Variants in SEPTIN7 observed in about 807,000 individuals in gnomAD.
SEPTIN7 encodes the protein septin-7.
In SEPTIN7, 10 loss-of-function variants were observed where a neutral mutation model predicts 63.3. That is an observed-to-expected ratio of 0.16 (90% confidence interval 0.10 to 0.27). The LOEUF is 0.27. Among genes scored for constraint, SEPTIN7 ranks in the 10% least tolerant of loss-of-function variants. SEPTIN7 has a pLI of 1.00. For synonymous variants in SEPTIN7, 131 were observed against 165.3 expected (o/e 0.79, Z 1.59); for missense variants, 310 against 521.0 (o/e 0.59, Z 3.94).
At chr7:35,870,479 C>T (rs74185961) in intron 4 of SEPTIN7, among the ~76,000 whole-genome samples, 1 of 152,078 alleles carries the variant, frequency 6.6e-6, no homozygotes, top group African/African-American at 2.4e-5. Flanking sequence ...GTGTGTAGTA[C>T]TATGTTATTT....
At chr7:35,899,952 A>G (rs1423154060) in intron 12 of SEPTIN7, 1 of 152,204 alleles carries the variant, frequency 6.6e-6, no homozygotes, top group Non-Finnish European at 1.5e-5. Flanking sequence ...CTTTAATGAT[A>G]AAATTTAGTA....
At chr7:35,888,897 T>C in intron 10 of SEPTIN7, 1 of 316,600 alleles carries the variant, frequency 3.2e-6, no homozygotes, top group Non-Finnish European at 6.3e-6. Context: ...AGGTATTTGT[T>C]ATTTTTCTCC....
chr7:35,913,818 G>A, the SEPTIN7 span, among the ~76,000 whole-genome samples: 2 of 152,082 alleles, frequency 1.3e-5, no homozygotes, highest in East Asian at 3.8e-4. Context: ...TCAAACTCCT[G>A]GCCTAAAGTG....
chr7:35,886,288 C>T (rs1002827883), intron 10 of SEPTIN7, among the ~76,000 whole-genome samples: 10 of 152,132 alleles, frequency 6.6e-5, no homozygotes, highest in African/African-American at 1.7e-4. Flanking sequence ...GAGTAGGGCA[C>T]ATTTTATGTA....
At chr7:35,815,666 A>T (rs1789013070) in intron 1 of SEPTIN7, among the ~76,000 whole-genome samples, 1 of 152,212 alleles carries the variant, frequency 6.6e-6, no homozygotes, top group Non-Finnish European at 1.5e-5. Context: ...GTTAGTTAAT[A>T]TAGTATGCTA....
intron 4 of SEPTIN7, among the ~76,000 whole-genome samples, chr7:35,871,110 A>G (rs912157465): frequency 6.6e-6 from 1 of 152,204 alleles, no homozygotes; most frequent in Non-Finnish European, 1.5e-5. Context: ...CAGATTGCCA[A>G]TAGTATATAT....
intron 11 of SEPTIN7, among the ~76,000 whole-genome samples, chr7:35,893,639 T>C (rs1787784204): frequency 6.6e-6 from 1 of 152,158 alleles, no homozygotes; most frequent in Non-Finnish European, 1.5e-5. Flanking sequence ...TGTGAATCAA[T>C]TTATCTTATA....
chr7:35,887,509 A>G (rs2715602), intron 10 of SEPTIN7, among the ~76,000 whole-genome samples: 143,171 of 152,274 alleles, frequency 0.94, 67,833 homozygotes, highest in East Asian at 1. Context: ...ACTACACCTG[A>G]CTAATTTTTG....
At position 35,834,701 on chromosome 7, in the gene SEPTIN7, A is replaced by G. The variant is rs55874434; in HGVS notation, c.169+1801A>G. 9.5e-3 allele frequency among the ~76,000 whole-genome samples: 1,452 copies of G among 152,230 alleles called. 21 individuals are homozygous for G. Among genetic ancestry groups the G allele is most frequent in the African/African-American group, 0.033 (1,358 of 41,560 alleles). On this transcript the variant is annotated intron_variant, in intron 3 of 13. Transcript: ENST00000350320. Reference sequence around the variant, plus strand: ...TCTATATAGGTGTAGTGCCTTATACATAGTCACTTACTAAGTATCTAATCA... The same window carrying G: ...TCTATATAGGTGTAGTGCCTTATACGTAGTCACTTACTAAGTATCTAATCA...
chr7:35,900,470 A>T (rs776366935), intron 12 of SEPTIN7: 1 of 152,242 alleles, frequency 6.6e-6, no homozygotes, highest in Non-Finnish European at 1.5e-5. Flanking sequence ...ATGAATAATT[A>T]AAGTTCTTAA....
chr7:35,860,315 C>G (rs1785437590), intron 3 of SEPTIN7, among the ~76,000 whole-genome samples: 1 of 152,064 alleles, frequency 6.6e-6, no homozygotes, highest in Non-Finnish European at 1.5e-5. Flanking sequence ...TACCTATTAA[C>G]ACAGATTCAT....
At chr7:35,884,560 G>A (rs1352668891) in intron 9 of SEPTIN7, among the ~76,000 whole-genome samples, 1 of 152,030 alleles carries the variant, frequency 6.6e-6, no homozygotes, top group Non-Finnish European at 1.5e-5. Context: ...TTGCTCCCAG[G>A]GAATCTAATG....
intron 1 of SEPTIN7, among the ~76,000 whole-genome samples, chr7:35,808,452 A>G (rs1405690187): frequency 6.6e-6 from 1 of 152,188 alleles, no homozygotes; most frequent in Non-Finnish European, 1.5e-5. Context: ...ACAGCTGCAT[A>G]ACCGTTACAT....
At chr7:35,814,974 CAAAAAAAAAAA>C (rs56795764) in intron 1 of SEPTIN7, among the ~76,000 whole-genome samples, 3 of 22,028 alleles carry the variant, frequency 1.4e-4, no homozygotes, top group South Asian at 1.7e-3. Flanking sequence ...GACTCCTTCT[CAAAAAAAAAAA>C]AAAAAAAAAA....
chr7:35,893,673 G>A (rs138197453), intron 11 of SEPTIN7, among the ~76,000 whole-genome samples: 47 of 152,232 alleles, frequency 3.1e-4, no homozygotes, highest in African/African-American at 9.1e-4. Flanking sequence ...GGTAGTTTTG[G>A]GCACACTGTA....
Position 35,865,409 on chromosome 7 carries a change from A to G in SEPTIN7, c.276+1751A>G, listed in dbSNP as rs183451433. ...ATGTTACATACATATACTTTTTTAT[A>G]TCTGTTTTCTTTCAGTGAAGATTAC... On this transcript the variant is annotated intron_variant, in intron 4 of 13. Coordinates refer to ENST00000350320, the MANE Select transcript of SEPTIN7 (RefSeq NM_001788.6). 7.9e-3 allele frequency among the ~76,000 whole-genome samples: 1,207 copies of G among 152,218 alleles called. 9 individuals carry two copies. The highest frequency in any genetic ancestry group is 0.012 in the Non-Finnish European group (849 of 67,988).
At chr7:35,908,178 C>T (rs1788669146), downstream of SEPTIN7, among the ~76,000 whole-genome samples, 1 of 152,158 alleles carries the variant, frequency 6.6e-6, no homozygotes, top group African/African-American at 2.4e-5. Flanking sequence ...TTATCAGAGT[C>T]TCTCATCTTT....
At chr7:35,826,043 A>G (rs1169657868) in intron 1 of SEPTIN7, among the ~76,000 whole-genome samples, 1 of 152,124 alleles carries the variant, frequency 6.6e-6, no homozygotes, top group African/African-American at 2.4e-5. Context: ...GGACATGCCT[A>G]TGTAATCTTG....
intron 4 of SEPTIN7, among the ~76,000 whole-genome samples, chr7:35,869,361 A>T (rs535182227): frequency 6.6e-6 from 1 of 152,320 alleles, no homozygotes; most frequent in African/African-American, 2.4e-5. Context: ...GTGGAACACG[A>T]TGAAACATGT....
Sources: allele counts gnomAD v4.1 joint callset (sites outside exome capture counted in the v4.1 genomes callset), GRCh38; gene constraint gnomAD v4.1.1; transcripts MANE v1.5; gene names NCBI Gene and HGNC (gene_info 2026-07-23, HGNC 2026-07-21).